ETF1: variants seen among roughly 807,000 people sequenced by gnomAD.
ETF1 encodes eukaryotic translation termination factor 1, also known as eukaryotic peptide chain release factor subunit 1.
Under a neutral mutation model 55.1 loss-of-function variants are expected in ETF1, and 4 were observed. That is an observed-to-expected ratio of 0.07 (90% CI 0.04 to 0.17). The LOEUF is 0.17. ETF1 is among the 10% of genes least tolerant of loss of function. The pLI, the probability that ETF1 is intolerant of heterozygous loss-of-function variation, is 1.00. For missense variants in ETF1, 142 were observed against 523.6 expected (o/e 0.27, Z 7.11); for synonymous variants, 157 against 182.3 (o/e 0.86, Z 1.12).
intron 2 of ETF1, among the ~76,000 whole-genome samples, chr5:138,531,676 G>A (rs1366308542): frequency 1.3e-5 from 2 of 152,136 alleles, no homozygotes. Flanking sequence ...GTTGTGCCTA[G>A]GCTATGGATG....
At chr5:138,525,461 A>T (rs1410505460) in intron 2 of ETF1, among the ~76,000 whole-genome samples, 1 of 16,444 alleles carries the variant, frequency 6.1e-5, no homozygotes, top group Admixed American at 9.1e-4. Flanking sequence ...TGGCCTATTA[A>T]TAATTTTATG....
intron 4 of ETF1, among the ~76,000 whole-genome samples, chr5:138,517,207 A>G (rs938286086): frequency 1.3e-5 from 2 of 151,930 alleles, no homozygotes; most frequent in African/African-American, 4.8e-5. Flanking sequence ...CATCTCTACT[A>G]AAAATACAAA....
intron 2 of ETF1, among the ~76,000 whole-genome samples, chr5:138,532,950 T>C (rs1230362993): frequency 6.6e-6 from 1 of 152,074 alleles, no homozygotes; most frequent in Non-Finnish European, 1.5e-5. Flanking sequence ...GCTTCTTTTT[T>C]TTTTTTTGAG....
chr5:138,523,165 G>A (rs928456223), intron 2 of ETF1, among the ~76,000 whole-genome samples: 5 of 151,870 alleles, frequency 3.3e-5, no homozygotes, highest in East Asian at 1.9e-4. Context: ...TCAAGAGACC[G>A]AGACCATCCT....
chr5:138,530,279 A>G (rs747998969), intron 2 of ETF1, among the ~76,000 whole-genome samples: 16 of 152,004 alleles, frequency 1.1e-4, no homozygotes, highest in Non-Finnish European at 1.9e-4. Context: ...TGAAATATGA[A>G]AGATTTTTTT....
At chr5:138,539,567 AAACT>A (rs889563618) in intron 2 of ETF1, among the ~76,000 whole-genome samples, 1 of 152,240 alleles carries the variant, frequency 6.6e-6, no homozygotes, top group Non-Finnish European at 1.5e-5. Flanking sequence ...TAGCACACAC[AAACT>A]AACATTCGAC....
At chr5:138,510,288 G>A (rs1764715563) in intron 9 of ETF1, among the ~76,000 whole-genome samples, 2 of 144,842 alleles carry the variant, frequency 1.4e-5, no homozygotes. Flanking sequence ...AGCCCAGGAG[G>A]TGGAGGTTGC....
In ETF1 at chr5:138,540,790, T is replaced by C. The variant is rs1766140180; in HGVS notation, c.86+2043A>G. The stretch of plus-strand genomic sequence containing the variant: ...ATTTTTAGCATGCTTTAAACTTTAC[T>C]GAACTTTGCTAAACAAAGAGGTAAA... On this transcript the variant is annotated intron_variant, in intron 2 of 10. Coordinates refer to ENST00000360541, the MANE Select transcript of ETF1 (RefSeq NM_004730.4). Among the ~76,000 whole-genome samples, 3 of 152,218 alleles carry C rather than the reference T, an allele frequency of 2.0e-5. No individual in the cohort carries two copies. In the South Asian group the frequency reaches 6.2e-4, roughly 31 times the overall value.
At chr5:138,542,960 G>C in intron 1 of ETF1, 24 bp from the exon 2 acceptor site, 1 of 1,607,824 alleles carries the variant, frequency 6.2e-7, no homozygotes, top group Non-Finnish European at 8.5e-7. Context: ...GCGGGGCCCG[G>C]AGACACCAAG....
At chr5:138,518,639 A>G in intron 3 of ETF1, 53 bp downstream of exon 3, 1 of 1,516,576 alleles carries the variant, frequency 6.6e-7, no homozygotes, top group Non-Finnish European at 9.1e-7. Context: ...GCATCACAGT[A>G]TAAAACATAA....
chr5:138,541,444 G>C, intron 2 of ETF1: 1 of 1,092,810 alleles, frequency 9.2e-7, no homozygotes, highest in Non-Finnish European at 1.3e-6. Context: ...ACTGAATGGG[G>C]CCAAACTTTT....
At chr5:138,533,667 A>C (rs961313312) in intron 2 of ETF1, among the ~76,000 whole-genome samples, 8 of 152,172 alleles carry the variant, frequency 5.3e-5, no homozygotes, top group Non-Finnish European at 1.0e-4. Context: ...GCCTGGAGAC[A>C]GAGCAAGACT....
intron 4 of ETF1, among the ~76,000 whole-genome samples, chr5:138,516,215 A>C (rs1765012799): frequency 6.6e-6 from 1 of 152,190 alleles, no homozygotes; most frequent in Admixed American, 6.5e-5. Flanking sequence ...GAGTGCAATA[A>C]CTCAAAGAGT....
chr5:138,542,352 C>T (rs1324389786), intron 2 of ETF1, among the ~76,000 whole-genome samples: 1 of 152,138 alleles, frequency 6.6e-6, no homozygotes, highest in Non-Finnish European at 1.5e-5. Flanking sequence ...CTCTGCTTCC[C>T]GTCCCATCCA....
At chr5:138,519,076 T>C (rs923746705) in intron 2 of ETF1, 21 of 984,852 alleles carry the variant, frequency 2.1e-5, no homozygotes, top group Admixed American at 1.2e-4. Context: ...CTCAATTTGA[T>C]TGAATAGTGA....
chr5:138,513,367 G>A (rs1764891507), intron 5 of ETF1: 1 of 329,364 alleles, frequency 3.0e-6, no homozygotes, highest in African/African-American at 2.2e-5. Flanking sequence ...AAGTAGCTGG[G>A]ATTACAGGCG....
At chr5:138,509,088 C>A (rs559991888) in intron 9 of ETF1, 1 of 985,170 alleles carries the variant, frequency 1.0e-6, no homozygotes, top group South Asian at 4.7e-5. Flanking sequence ...GCTTATGATT[C>A]CTACTGTTGA....
chr5:138,530,336 T>C (rs2127113664), intron 2 of ETF1, among the ~76,000 whole-genome samples: 1 of 152,230 alleles, frequency 6.6e-6, no homozygotes, highest in East Asian at 1.9e-4. Flanking sequence ...TACAGTGCAG[T>C]GGTGTGATCT....
intron 4 of ETF1, among the ~76,000 whole-genome samples, chr5:138,516,930 G>A (rs1765043959): frequency 6.6e-6 from 1 of 152,122 alleles, no homozygotes; most frequent in Non-Finnish European, 1.5e-5. Context: ...TATAAAATAT[G>A]AAATATGGCA....
Sources: gnomAD v4.1 joint callset for allele counts (sites outside exome capture counted in the v4.1 genomes callset) on GRCh38, gnomAD v4.1.1 for gene constraint, MANE v1.5 for transcripts, NCBI Gene and HGNC (gene_info 2026-07-23, HGNC 2026-07-21) for gene names.